The following CEP72 variants were observed in gnomAD, a reference collection of about 807,000 sequenced individuals.
CEP72 encodes centrosomal protein 72.
In CEP72, 78 loss-of-function variants were observed where a neutral mutation model predicts 65.7. That is an observed-to-expected ratio of 1.19 (90% CI 0.99 to 1.43). The LOEUF (loss-of-function observed/expected upper bound fraction) is 1.43, where lower values mean the gene tolerates loss of function less well. Among genes scored for constraint, CEP72 ranks in the 40% most tolerant of loss-of-function variants. The probability of loss-of-function intolerance (pLI) is 0.00; values close to 1 mark genes in which losing one functional copy is unlikely to be tolerated. For missense variants in CEP72, 914 were observed against 832.9 expected (o/e 1.10, Z -1.20); for synonymous variants, 358 against 351.7 (o/e 1.02, Z -0.20).
At chr5:665,439 A>G (rs1028414724) in intron 3 of CEP72, 10 of 768,020 alleles carry the variant, frequency 1.3e-5, no homozygotes, top group Non-Finnish European at 1.8e-5. Flanking sequence ...GCCCCTTTTA[A>G]TTCTTATTTT....
At chr5:628,770 C>G (rs1736976913) in intron 4 of CEP72, among the ~76,000 whole-genome samples, 2 of 145,472 alleles carry the variant, frequency 1.4e-5, no homozygotes, top group Admixed American at 6.8e-5. Context: ...GGGGAGTGTT[C>G]CCACGACCCA....
At chr5:666,002 C>T (rs1248170111) in exon 4 of CEP72, 7 of 1,606,062 alleles carry the variant, frequency 4.4e-6, no homozygotes, top group South Asian at 1.1e-5. Context: ...GCCTTGCCCT[C>T]GATGAGCCTG....
Position 635,553 on chromosome 5 carries a change from C to G in CEP72, c.873C>G (p.Pro291=). 2 of 1,613,842 alleles carry G rather than the reference C, an allele frequency of 1.2e-6. No individual in the cohort carries two copies. The highest frequency in any genetic ancestry group is 1.7e-6 in the Non-Finnish European group (2 of 1,179,896). ...CGGAGCCAGAGGCCTCCCGTGCCCC[C>G]AGGCCACACACGTACTTCACCCCAC... The part of the protein sequence containing the change: ...YGAEPEASRA[P]RPHTYFTPHP... The change falls in exon 6 of 12, where the codon CCC becomes CCG. Residue 291 remains proline (P), a synonymous_variant. Coordinates refer to ENST00000264935, the MANE Select transcript of CEP72 (RefSeq NM_018140.4).
chr5:648,818 T>TG (rs1738649537), intron 11 of CEP72, among the ~76,000 whole-genome samples: 6 of 103,662 alleles, frequency 5.8e-5, no homozygotes, highest in African/African-American at 1.2e-4. Context: ...CTGTGAGGTG[T>TG]GACTGTGAGG....
At chr5:633,257 G>C (rs1213669458) in intron 4 of CEP72, among the ~76,000 whole-genome samples, 1 of 102,878 alleles carries the variant, frequency 9.7e-6, no homozygotes, top group Non-Finnish European at 1.9e-5. Context: ...TCCTGGTGGG[G>C]TGCTGTCCAG....
chr5:666,102 G>A (rs991309191), intron 4 of CEP72: 6 of 1,600,434 alleles, frequency 3.7e-6, no homozygotes, highest in Non-Finnish European at 4.3e-6. Context: ...GCTCAAAGGT[G>A]ATGGTCCGGC....
chr5:664,883 G>A, intron 2 of CEP72: 2 of 584,768 alleles, frequency 3.4e-6, no homozygotes, highest in Non-Finnish European at 6.1e-6. Context: ...TATTAGGAGG[G>A]TCAGCGAACT....
downstream of CEP72, among the ~76,000 whole-genome samples, chr5:671,624 A>G (rs1422311862): frequency 6.6e-6 from 1 of 152,220 alleles, no homozygotes; most frequent in Admixed American, 6.5e-5. Flanking sequence ...CCCGGCCTGC[A>G]GGGTACAGGA....
At chr5:625,582 G>C (rs1482947210) in intron 4 of CEP72, among the ~76,000 whole-genome samples, 1 of 152,230 alleles carries the variant, frequency 6.6e-6, no homozygotes, top group African/African-American at 2.4e-5. Context: ...TTCTCTTCCA[G>C]TGTCTCCGAA....
chr5:642,873 G>T, intron 9 of CEP72: 19 of 985,474 alleles, frequency 1.9e-5, no homozygotes, highest in Non-Finnish European at 2.2e-5. Flanking sequence ...ACGTGAGGAC[G>T]CTCATCCCTC....
At chr5:665,148 T>C in intron 2 of CEP72, 10 of 1,613,254 alleles carry the variant, frequency 6.2e-6, no homozygotes, top group Non-Finnish European at 8.5e-6. Context: ...TGCGTGCTTG[T>C]AGCCGGACAC....
chr5:657,640 C>T (rs970590912), downstream of CEP72, among the ~76,000 whole-genome samples: 8 of 152,192 alleles, frequency 5.3e-5, no homozygotes, highest in African/African-American at 1.9e-4. Context: ...CTTATGTCCC[C>T]CCTGCCTTTA....
chr5:666,038 T>G, exon 4 of CEP72: 1 of 1,610,228 alleles, frequency 6.2e-7, no homozygotes, highest in Non-Finnish European at 8.5e-7. Flanking sequence ...GCCTCCTCGC[T>G]GCTCTTGTCT....
intron 8 of CEP72, among the ~76,000 whole-genome samples, chr5:639,523 A>G (rs544177761): frequency 6.6e-6 from 1 of 152,184 alleles, no homozygotes; most frequent in African/African-American, 2.4e-5. Context: ...CTTGGTTCTG[A>G]TGGCTGTGAT....
At chr5:628,460 G>T (rs1184594171) in intron 4 of CEP72, among the ~76,000 whole-genome samples, 1 of 149,158 alleles carries the variant, frequency 6.7e-6, no homozygotes, top group Non-Finnish European at 1.5e-5. Flanking sequence ...CCTTCTTTGT[G>T]CAGCTTCTGG....
intron 9 of CEP72, chr5:642,789 G>A (rs575484485): frequency 8.1e-6 from 8 of 985,336 alleles, no homozygotes; most frequent in African/African-American, 5.2e-5. Context: ...GGGAGCAGCC[G>A]TGCAGGCTGG....
chr5:652,710 G>A (rs1739187066), intron 11 of CEP72, among the ~76,000 whole-genome samples: 1 of 152,256 alleles, frequency 6.6e-6, no homozygotes, highest in South Asian at 2.1e-4. Flanking sequence ...GCGCCATTCA[G>A]TCACTCATTA....
chr5:652,951 G>A (rs756758104), intron 11 of CEP72, 37 bp from the exon 12 acceptor site: 24 of 1,564,482 alleles, frequency 1.5e-5, no homozygotes, highest in East Asian at 2.3e-5. Flanking sequence ...TGGAGAGGAC[G>A]GAAGTGCCAA....
At chr5:648,069 C>T (rs750627520) in intron 11 of CEP72, among the ~76,000 whole-genome samples, 153 bp downstream of exon 11, 3 of 152,278 alleles carry the variant, frequency 2.0e-5, no homozygotes, top group Non-Finnish European at 2.9e-5. Context: ...TGATTTGAAA[C>T]TTTCATAAAC....
Sources: allele counts gnomAD v4.1 joint callset (sites outside exome capture counted in the v4.1 genomes callset), GRCh38; gene constraint gnomAD v4.1.1; transcripts MANE v1.5; gene names NCBI Gene and HGNC (gene_info 2026-07-23, HGNC 2026-07-21).